Variants in TARBP2 observed in about 807,000 individuals in gnomAD.
TARBP2 encodes the protein TARBP2 subunit of RISC loading complex.
A neutral mutation model predicts 40.4 loss-of-function variants in TARBP2; 23 were observed. The ratio of observed to expected loss-of-function variants is 0.57; its 90% CI spans 0.41 to 0.81. The LOEUF is 0.81. TARBP2 is among the 30% of genes least tolerant of loss of function. TARBP2 has a pLI of 0.00. For missense variants in TARBP2, 358 were observed against 473.7 expected, an observed-to-expected ratio of 0.76 and a Z score of 2.27; for synonymous variants, 183 against 190.5, an observed-to-expected ratio of 0.96 and a Z score of 0.32.
Position 53,501,342 on chromosome 12 carries a change from C to A in TARBP2, c.-67C>A. ...TCCGGGCTTGGCCCCGGCCCTAGCT[C>A]GTCGGCTGTGTATTGGGGCGCGTGG... On this transcript the variant is annotated 5_prime_UTR_variant, in exon 1 of 9. Coordinates refer to ENST00000266987, the MANE Select transcript of TARBP2 (RefSeq NM_134323.2). 1 of 1,536,768 alleles carries A rather than the reference C, an allele frequency of 6.5e-7. No individual in the cohort carries two copies. The highest frequency in any genetic ancestry group is 8.8e-7 in the Non-Finnish European group (1 of 1,135,616).
At chr12:53,501,975 A>G in intron 1 of TARBP2, 40 bp from the exon 2 acceptor site, 1 of 1,610,836 alleles carries the variant, frequency 6.2e-7, no homozygotes, top group Non-Finnish European at 8.5e-7. Context: ...GTGGGTGCAG[A>G]GAGGGGAGGT....
At position 53,505,580 on chromosome 12, in the gene TARBP2, G is replaced by T; in HGVS notation, c.742-69G>T. The T allele has an allele frequency of 6.8e-7, 1 of 1,471,916 alleles. No individual in the cohort carries two copies. The highest frequency in any genetic ancestry group is 9.5e-7 in the Non-Finnish European group (1 of 1,055,766). The allele number at this position is 1,471,916 out of a possible 1,614,324, so 91.2% of individuals were successfully genotyped here. Reference sequence around the variant, plus strand: ...TCTTTGTGCTTTGTTCTCCTTTGACGTTGAATGTCTCAATGCCTGGGTCCC... The same window carrying T: ...TCTTTGTGCTTTGTTCTCCTTTGACTTTGAATGTCTCAATGCCTGGGTCCC... On this transcript the variant is annotated intron_variant, in intron 7 of 8. Coordinates refer to ENST00000266987, the MANE Select transcript of TARBP2 (RefSeq NM_134323.2). This position sits in a 1 kb window ranked among gnomAD's most constrained non-coding sequence, Gnocchi z 4.5.
rs1216416067 is a variant in TARBP2, at chr12:53,501,447, C to T, written c.39C>T (p.Gly13=). The T allele has an allele frequency of 2.5e-6, 4 of 1,568,918 alleles. No individual in the cohort carries two copies. The highest frequency in any genetic ancestry group is 1.4e-5 in the African/African-American group (1 of 73,880). The change falls in exon 1 of 9, where the codon GGC becomes GGT. Residue 13 remains glycine, a synonymous_variant. Transcript: ENST00000266987. ...AGCAAGGCTCCGGCACTACCACGGG[C>T]TGCGGGCTGCCTAGGTGAGCCGTCT... ...EEEQGSGTTT[G]CGLPSIEQML... is the part of the protein sequence containing the mutation.
At chr12:53,501,528 C>T in intron 1 of TARBP2, 67 bp downstream of exon 1, 2 of 1,547,170 alleles carry the variant, frequency 1.3e-6, no homozygotes, top group Non-Finnish European at 1.7e-6. Context: ...AGTAGCGGCG[C>T]GGCCCCAGCA....
Position 53,504,763 on chromosome 12 carries a change from C to T in TARBP2, c.561C>T (p.Ala187=), listed in dbSNP as rs748440443. The change falls in exon 6 of 9, where the codon GCC becomes GCT. Residue 187 remains alanine (A), a synonymous_variant. Coordinates refer to ENST00000266987, the MANE Select transcript of TARBP2 (RefSeq NM_134323.2). The part of the protein sequence containing the change: ...EYTVTQESGP[A]HRKEFTMTCR... ...CAGTGACCCAGGAGTCTGGGCCAGC[C>T]CACCGCAAAGAATTCACCATGACCT... 1 of 1,614,158 alleles carries T rather than the reference C, an allele frequency of 6.2e-7. No homozygotes were observed. Among genetic ancestry groups the T allele is most frequent in the South Asian group, 1.1e-5 (1 of 91,080 alleles).
chr12:53,503,641 G>C, intron 3 of TARBP2, 72 bp from the exon 4 acceptor site: 1 of 1,114,642 alleles, frequency 9.0e-7, no homozygotes, highest in East Asian at 2.4e-5. Context: ...AGGTCAGGAG[G>C]ACGTGGGTCC....
chr12:53,501,666 C>A, intron 1 of TARBP2: 1 of 1,441,242 alleles, frequency 6.9e-7, no homozygotes, highest in Non-Finnish European at 9.1e-7. Flanking sequence ...TCCCAGACTG[C>A]ACTGGAACAC....
intron 5 of TARBP2, 82 bp downstream of exon 5, chr12:53,504,551 G>T (rs1943874126): frequency 9.4e-6 from 15 of 1,601,828 alleles, no homozygotes; most frequent in Non-Finnish European, 1.1e-5. Context: ...GTGTTTGGGG[G>T]TGGGGGCGGT....
chr12:53,505,696 C>T lies in TARBP2; in HGVS notation c.789C>T (p.Cys263=), dbSNP rs369459694. 13 of 1,614,136 alleles carry T rather than the reference C, an allele frequency of 8.1e-6. No homozygotes were observed. The African/African-American group carries it at 1.2e-4, about 15-fold the overall frequency. The change falls in exon 8 of 9, where the codon TGC becomes TGT. Residue 263 remains cysteine, a synonymous_variant. Transcript: ENST00000266987. The surrounding 1 kb of genome is among the most constrained non-coding windows in gnomAD (Gnocchi z 4.5). Reference sequence around the variant, plus strand: ...GTCTTCGAAACCGGGGCCCAGGTTGCACCTGGGATTCTCTACGAAATTCAG... The same window carrying T: ...GTCTTCGAAACCGGGGCCCAGGTTGTACCTGGGATTCTCTACGAAATTCAG... ...LDGLRNRGPG[C]TWDSLRNSVG... is the part of the protein sequence containing the mutation.
Position 53,505,914 on chromosome 12 carries a change from G to A in TARBP2, c.943+64G>A, listed in dbSNP as rs990570588. 28 of 1,605,456 alleles carry A rather than the reference G, an allele frequency of 1.7e-5. No homozygotes were observed. The highest frequency in any genetic ancestry group is 2.3e-5 in the Non-Finnish European group (27 of 1,173,332). ...GCTGGACCGGAGCAAGTAGAAGGGG[G>A]TGATGATAACGTGAACGCACCCCTC... On this transcript the variant is annotated intron_variant, in intron 8 of 8. Coordinates refer to ENST00000266987, the MANE Select transcript of TARBP2 (RefSeq NM_134323.2). The surrounding 1 kb of genome is among the most constrained non-coding windows in gnomAD (Gnocchi z 4.5).
At chr12:53,503,576 G>C in intron 3 of TARBP2, 137 bp from the exon 4 acceptor site, 1 of 664,452 alleles carries the variant, frequency 1.5e-6, no homozygotes, top group Non-Finnish European at 2.7e-6. Flanking sequence ...GGAAGCTGTT[G>C]GTTGAGCCTC....
chr12:53,501,552 A>C, intron 1 of TARBP2, 91 bp downstream of exon 1: 1 of 1,528,270 alleles, frequency 6.5e-7, no homozygotes, highest in Non-Finnish European at 8.8e-7. Context: ...ACCTGGCCTG[A>C]GGGTTGTTCC....
chr12:53,502,213 G>GGT, intron 2 of TARBP2, 29 bp downstream of exon 2: 1 of 1,612,628 alleles, frequency 6.2e-7, no homozygotes, highest in Non-Finnish European at 8.5e-7. Flanking sequence ...GCCTGGCTGG[G>GGT]GTGTGCATTT....
rs1444514983 is a variant in TARBP2, at chr12:53,503,086, C to T, written c.283C>T (p.Leu95Phe). 1 of 1,550,820 alleles carries T rather than the reference C, an allele frequency of 6.4e-7. No homozygotes were observed. The highest frequency in any genetic ancestry group is 1.4e-5 in the African/African-American group (1 of 73,024). Reference protein sequence around the residue: ...HKAAEVALKHLKGGSMLEPAL... With the variant: ...HKAAEVALKHFKGGSMLEPAL... ...GGCAGCTGAGGTGGCCCTCAAACAC[C>T]TCAAAGGGGGGAGCATGCTGGAGCC... is the stretch of plus-strand genomic sequence containing the variant. The change falls in exon 3 of 9, where the codon CTC becomes TTC. Residue 95 changes from leucine to phenylalanine, a missense_variant. Coordinates refer to ENST00000266987, the MANE Select transcript of TARBP2 (RefSeq NM_134323.2).
rs1943984846 is a variant in TARBP2 at position 53,506,308 on chromosome 12, A to G, written c.*160A>G. ...TGAGAAGGCACAGGGCAAGGAGCCA[A>G]GGACCACAGAGCCTCAGCCAGCCCA... On this transcript the variant is annotated 3_prime_UTR_variant, in exon 9 of 9. Transcript: ENST00000266987. 1 of 890,566 alleles carries G rather than the reference A, an allele frequency of 1.1e-6. No individual in the cohort carries two copies. The highest frequency in any genetic ancestry group is 1.7e-6 in the Non-Finnish European group (1 of 602,288). 55.2% of individuals were successfully genotyped at this position (890,566 alleles called of 1,614,324 possible).
chr12:53,503,452 C>G, intron 3 of TARBP2: 2 of 579,028 alleles, frequency 3.5e-6, no homozygotes, highest in Non-Finnish European at 6.0e-6. Flanking sequence ...CCTTCCTTCA[C>G]GCGCAGGTTG....
chr12:53,505,054 A>G lies in TARBP2; in HGVS notation c.614-81A>G. The stretch of plus-strand genomic sequence containing the variant: ...CCTTTCCAGTTGACATTCTGGGGGG[A>G]CCCTCAATCCAAGTATGACCTGGGT... On this transcript the variant is annotated intron_variant, in intron 6 of 8. Coordinates refer to ENST00000266987, the MANE Select transcript of TARBP2 (RefSeq NM_134323.2). This position sits in a 1 kb window ranked among gnomAD's most constrained non-coding sequence, Gnocchi z 4.5. 1.4e-5 allele frequency: 22 copies of G among 1,532,376 alleles called. No individual in the cohort carries two copies. The South Asian group carries it at 2.7e-4, about 19-fold the overall frequency. The allele number at this position is 1,532,376 out of a possible 1,614,324, so 94.9% of individuals were successfully genotyped here.
At position 53,506,415 on chromosome 12, in the gene TARBP2, G is replaced by A. The variant is rs73313239; in HGVS notation, c.*267G>A. The A allele has an allele frequency of 2.6e-3, 1,372 of 524,090 alleles. 17 individuals carry two copies. The highest frequency in any genetic ancestry group is 0.024 in the African/African-American group (1,272 of 52,790). 32.5% of individuals were successfully genotyped at this position (524,090 alleles called of 1,614,324 possible). On this transcript the variant is annotated 3_prime_UTR_variant, in exon 9 of 9. Coordinates refer to ENST00000266987, the MANE Select transcript of TARBP2 (RefSeq NM_134323.2). ...TACTAGAGCCTGGAATAAATATGCT[G>A]CTTTGTGGATTTTTAAGCCCTTCTC... is the stretch of plus-strand genomic sequence containing the variant.
At chr12:53,502,860 C>G (rs929671035) in intron 2 of TARBP2, 167 bp from the exon 3 acceptor site, 6 of 618,908 alleles carry the variant, frequency 9.7e-6, no homozygotes, top group Non-Finnish European at 1.6e-5. Flanking sequence ...AAGATAAGGG[C>G]TCTTCCTTCC....
Sources: allele counts gnomAD v4.1 joint callset, GRCh38; gene constraint gnomAD v4.1.1; non-coding constraint Gnocchi (gnomAD v3.1); transcripts MANE v1.5; gene names NCBI Gene and HGNC (gene_info 2026-07-23, HGNC 2026-07-21).